PCDHGA4: variants seen among roughly 807,000 people sequenced by gnomAD.
PCDHGA4 encodes the protein protocadherin gamma subfamily A, 4.
PCDHGA4 carries 38 observed loss-of-function variants against 54.6 expected under a neutral mutation model. That is an observed-to-expected ratio of 0.70 (90% CI 0.54 to 0.91). PCDHGA4 has a LOEUF of 0.91. Ranked by LOEUF, PCDHGA4 falls within the 40% of genes least tolerant of loss-of-function variation. PCDHGA4 has a pLI of 0.00. For missense variants in PCDHGA4, 1,298 were observed against 1,220.9 expected (o/e 1.06, Z -0.94); for synonymous variants, 511 against 512.9 (o/e 1.00, Z 0.05).
In PCDHGA4 at chr5:141,414,656, C is replaced by A. The variant is rs1409573217; in HGVS notation, c.2514+57035C>A. The A allele has an allele frequency of 1.2e-5, 20 of 1,614,008 alleles. No individual in the cohort carries two copies. Among genetic ancestry groups the A allele is most frequent in the Non-Finnish European group, 1.7e-5 (20 of 1,179,888 alleles). On this transcript the variant is annotated intron_variant, in intron 1 of 3. Transcript: ENST00000571252. ...AAAGAGAATGCCCAGATTATTTACTCCCTGGCTGAAGACACCATCCAGGGG... is the reference window on the plus strand; with the variant it reads ...AAAGAGAATGCCCAGATTATTTACTACCTGGCTGAAGACACCATCCAGGGG...
intron 1 of PCDHGA4, among the ~76,000 whole-genome samples, chr5:141,462,288 G>A (rs1239615759): frequency 3.9e-5 from 6 of 152,196 alleles, no homozygotes; most frequent in Non-Finnish European, 7.3e-5. Flanking sequence ...CACCAAATAT[G>A]TAAGTATTAC....
At chr5:141,379,501 T>C (rs969965140) in intron 1 of PCDHGA4, 7 of 152,268 alleles carry the variant, frequency 4.6e-5, no homozygotes, top group Non-Finnish European at 8.8e-5. Context: ...CAATTTGGGA[T>C]GTTAAACTAC....
At chr5:141,450,881 G>A (rs1205242412) in intron 1 of PCDHGA4, among the ~76,000 whole-genome samples, 1 of 149,726 alleles carries the variant, frequency 6.7e-6, no homozygotes, top group African/African-American at 2.5e-5. Flanking sequence ...CTGGTGTGCA[G>A]TGGTGCGATA....
At chr5:141,399,658 T>C (rs766038311) in intron 1 of PCDHGA4, 2 of 1,613,690 alleles carry the variant, frequency 1.2e-6, no homozygotes, top group South Asian at 2.2e-5. Flanking sequence ...TGGGGTGGTG[T>C]TCGCGCAGCG....
chr5:141,383,692 C>T (rs1779370134), intron 1 of PCDHGA4: 4 of 1,613,888 alleles, frequency 2.5e-6, no homozygotes, highest in Non-Finnish European at 2.5e-6. Flanking sequence ...GCTCACGGTA[C>T]ATGCTATCGA....
rs756330109 is a variant in PCDHGA4, at chr5:141,432,621, T to A, written c.2515-62186T>A. ...GAGCCGGGACTCTTCTCGGTGGGTC[T>A]GCACACGGGCGAGGTGCGCACGGCG... On this transcript the variant is annotated intron_variant, in intron 1 of 3. Transcript: ENST00000571252. This position sits in a 1 kb window ranked among gnomAD's most constrained non-coding sequence, Gnocchi z 6.0. The A allele has an allele frequency of 3.1e-6, 5 of 1,612,942 alleles. No homozygotes were observed. Among genetic ancestry groups the A allele is most frequent in the Admixed American group, 1.7e-5 (1 of 59,962 alleles).
chr5:141,396,962 T>C (rs2150689685), intron 1 of PCDHGA4, among the ~76,000 whole-genome samples: 1 of 152,308 alleles, frequency 6.6e-6, no homozygotes, highest in South Asian at 2.1e-4. Flanking sequence ...ATCCTTACTC[T>C]CCCTAAAAAT....
chr5:141,395,063 G>A, intron 1 of PCDHGA4: 3 of 1,614,168 alleles, frequency 1.9e-6, no homozygotes, highest in Non-Finnish European at 2.5e-6. Flanking sequence ...AGGCTTTCCT[G>A]CAGACCTATT....
intron 1 of PCDHGA4, chr5:141,413,019 C>T (rs1056458163): frequency 2.9e-6 from 2 of 683,106 alleles, no homozygotes; most frequent in Non-Finnish European, 4.7e-6. Flanking sequence ...ACTACACAAG[C>T]CCCACAAACC....
rs766835008 is a variant in PCDHGA4, at chr5:141,370,979, A to G, written c.2514+13358A>G. The G allele has an allele frequency of 3.7e-6, 6 of 1,613,990 alleles. 1 individual carries two copies. In the Admixed American group the frequency reaches 6.7e-5, roughly 18 times the overall value. On this transcript the variant is annotated intron_variant, in intron 1 of 3. Coordinates refer to ENST00000571252, the MANE Select transcript of PCDHGA4 (RefSeq NM_018917.4). ...ATGGCAGTAGGTACCCAGAGCTAGT[A>G]CTGAAAGCACCCCTGGACAGGGAAG...
At chr5:141,389,197 T>C (rs2091642576) in intron 1 of PCDHGA4, 1 of 1,614,010 alleles carries the variant, frequency 6.2e-7, no homozygotes, top group East Asian at 2.2e-5. Context: ...AGCATCACCC[T>C]GCACATTGGT....
intron 1 of PCDHGA4, among the ~76,000 whole-genome samples, chr5:141,472,264 G>A (rs925973401): frequency 1.3e-4 from 20 of 152,068 alleles, no homozygotes; most frequent in African/African-American, 3.6e-4. Context: ...TATTATAGCC[G>A]GGCACAGTGG....
intron 1 of PCDHGA4, among the ~76,000 whole-genome samples, chr5:141,358,120 G>T (rs1004633411): frequency 5.9e-5 from 9 of 152,162 alleles, no homozygotes; most frequent in Non-Finnish European, 1.3e-4. Flanking sequence ...AACCTGGGAG[G>T]CAGAGGTTGC....
intron 1 of PCDHGA4, chr5:141,413,078 C>A: frequency 7.7e-7 from 1 of 1,301,148 alleles, no homozygotes; most frequent in Non-Finnish European, 1.1e-6. Flanking sequence ...AGTGCCCAGG[C>A]TACAGAGACA....
chr5:141,467,993 C>A (rs984508296), intron 1 of PCDHGA4, among the ~76,000 whole-genome samples: 1 of 152,058 alleles, frequency 6.6e-6, no homozygotes, highest in Admixed American at 6.6e-5. Context: ...AACCACAATT[C>A]TTTCTTCCTC....
At chr5:141,357,758 A>G (rs1450092651) in intron 1 of PCDHGA4, 137 bp downstream of exon 1, 1 of 1,041,576 alleles carries the variant, frequency 9.6e-7, no homozygotes, top group South Asian at 1.7e-5. Context: ...AAACTGGTGG[A>G]TGACCTTCCA....
intron 2 of PCDHGA4, among the ~76,000 whole-genome samples, chr5:141,499,738 A>G (rs1284003023): frequency 2.4e-5 from 3 of 127,268 alleles, no homozygotes; most frequent in South Asian, 2.4e-4. Flanking sequence ...TCTCTTGCCC[A>G]GGCTGTGGCA....
chr5:141,467,874 G>T (rs926647135), intron 1 of PCDHGA4, among the ~76,000 whole-genome samples: 1 of 151,920 alleles, frequency 6.6e-6, no homozygotes, highest in Non-Finnish European at 1.5e-5. Context: ...GCCCAGGCTG[G>T]TCTCAAACTC....
At chr5:141,483,967 G>C (rs2099589454) in intron 1 of PCDHGA4, among the ~76,000 whole-genome samples, 1 of 149,276 alleles carries the variant, frequency 6.7e-6, no homozygotes, top group African/African-American at 2.5e-5. Flanking sequence ...TTCTGTGCTT[G>C]TGCAAGGGAG....
Sources: allele counts gnomAD v4.1 joint callset (sites outside exome capture counted in the v4.1 genomes callset), GRCh38; gene constraint gnomAD v4.1.1; non-coding constraint Gnocchi (gnomAD v3.1); transcripts MANE v1.5; gene names NCBI Gene and HGNC (gene_info 2026-07-23, HGNC 2026-07-21).